The following ABTB2 variants were observed in gnomAD, a reference collection of about 807,000 sequenced individuals.
ABTB2 encodes ankyrin repeat and BTB/POZ domain-containing protein 2.
Under a neutral mutation model 104.1 loss-of-function variants are expected in ABTB2, and 56 were observed. That is an observed-to-expected ratio of 0.54 (90% CI 0.43 to 0.67). The LOEUF (loss-of-function observed/expected upper bound fraction) is 0.67, where lower values mean the gene tolerates loss of function less well. Among genes scored for constraint, ABTB2 ranks in the 30% least tolerant of loss-of-function variants. The probability of loss-of-function intolerance (pLI) is 0.00; values close to 1 mark genes in which losing one functional copy is unlikely to be tolerated. For synonymous variants in ABTB2, 606 were observed against 608.2 expected (o/e 1.00, Z 0.05); for missense variants, 1,279 against 1,407.7 (o/e 0.91, Z 1.46).
At chr11:34,243,173 T>C (rs1029851884) in intron 1 of ABTB2, among the ~76,000 whole-genome samples, 1 of 152,186 alleles carries the variant, frequency 6.6e-6, no homozygotes, top group South Asian at 2.1e-4. Flanking sequence ...GAGGGTTCTT[T>C]ATCTCTACAC....
chr11:34,303,928 C>T (rs1197558219), intron 1 of ABTB2, among the ~76,000 whole-genome samples: 1 of 152,152 alleles, frequency 6.6e-6, no homozygotes, highest in African/African-American at 2.4e-5. Context: ...CAGGTGTAAG[C>T]CACCACGCCT....
intron 1 of ABTB2, among the ~76,000 whole-genome samples, chr11:34,268,164 C>T (rs571036115): frequency 6.6e-6 from 1 of 152,310 alleles, no homozygotes; most frequent in East Asian, 1.9e-4. Context: ...AACTCTTGGG[C>T]TCAAAGTGAT....
intron 14 of ABTB2, among the ~76,000 whole-genome samples, chr11:34,157,104 C>T (rs891501711): frequency 6.6e-6 from 1 of 152,198 alleles, no homozygotes; most frequent in African/African-American, 2.4e-5. Flanking sequence ...GGAAAACTTG[C>T]AGGCTTTGTT....
intron 1 of ABTB2, among the ~76,000 whole-genome samples, chr11:34,321,948 A>G (rs1168068885): frequency 6.6e-6 from 1 of 152,212 alleles, no homozygotes; most frequent in Non-Finnish European, 1.5e-5. Flanking sequence ...GGGTCAGCAG[A>G]GAAAGCCCAA....
Position 34,188,471 on chromosome 11 carries a change from CTG to C in ABTB2, c.1244+8852_1244+8853del, listed in dbSNP as rs1377188475. ...TTCCTGGCAGTGGAAAGGAAGCTCC[CTG>C]TGTGCACCGTAGACTGTGAACAAGT... On this transcript the variant is annotated intron_variant, in intron 3 of 16. Transcript: ENST00000435224. Among the ~76,000 whole-genome samples the C allele has an allele frequency of 7.9e-5, 12 of 152,180 alleles. 1 individual carries two copies. The East Asian group carries it at 2.3e-3, about 29-fold the overall frequency.
intron 3 of ABTB2, among the ~76,000 whole-genome samples, chr11:34,174,625 G>C (rs1852937684): frequency 6.6e-6 from 1 of 152,224 alleles, no homozygotes; most frequent in Non-Finnish European, 1.5e-5. Flanking sequence ...TCTGTCCTCT[G>C]CCAGCTCTGG....
intron 2 of ABTB2, among the ~76,000 whole-genome samples, chr11:34,199,758 T>C (rs1454407825): frequency 3.3e-5 from 5 of 152,196 alleles, no homozygotes; most frequent in Non-Finnish European, 5.9e-5. Flanking sequence ...ATGGGAACAA[T>C]AGTATCTACC....
At chr11:34,166,798 G>A (rs1565129820) in intron 7 of ABTB2, among the ~76,000 whole-genome samples, 2 of 152,226 alleles carry the variant, frequency 1.3e-5, no homozygotes, top group Non-Finnish European at 2.9e-5. Context: ...GGCTCGACGG[G>A]TGAGCCATGC....
At chr11:34,275,464 C>T (rs928299648) in intron 1 of ABTB2, among the ~76,000 whole-genome samples, 23 of 152,136 alleles carry the variant, frequency 1.5e-4, no homozygotes, top group Non-Finnish European at 5.9e-5. Context: ...TCACATGCCT[C>T]CCCTGAATAC....
At chr11:34,295,529 G>A (rs1174778801) in intron 1 of ABTB2, among the ~76,000 whole-genome samples, 1 of 152,222 alleles carries the variant, frequency 6.6e-6, no homozygotes, top group Non-Finnish European at 1.5e-5. Flanking sequence ...TTTCAGAGAG[G>A]AGAGGTGTGG....
At chr11:34,315,493 A>T (rs935793887) in intron 1 of ABTB2, among the ~76,000 whole-genome samples, 11 of 152,192 alleles carry the variant, frequency 7.2e-5, no homozygotes, top group Non-Finnish European at 1.3e-4. Context: ...GCTCTGGGGA[A>T]TACAGGCCCC....
At chr11:34,308,658 TCAGGAGTTCAAGAC>T (rs909271986) in intron 1 of ABTB2, among the ~76,000 whole-genome samples, 2 of 151,568 alleles carry the variant, frequency 1.3e-5, no homozygotes, top group African/African-American at 2.4e-5. Flanking sequence ...TCACCTGAGG[TCAGGAGTTCAAGAC>T]CAGCCTGGCC....
At chr11:34,337,570 C>T (rs918079551) in intron 1 of ABTB2, among the ~76,000 whole-genome samples, 12 of 152,198 alleles carry the variant, frequency 7.9e-5, no homozygotes, top group East Asian at 5.8e-4. Flanking sequence ...TAATCTCAAA[C>T]GCTGGCTCTG....
At chr11:34,279,686 C>A (rs1419750108) in intron 1 of ABTB2, among the ~76,000 whole-genome samples, 1 of 151,780 alleles carries the variant, frequency 6.6e-6, no homozygotes, top group Non-Finnish European at 1.5e-5. Flanking sequence ...ACAAAAGGCC[C>A]GACACATAAA....
At chr11:34,277,269 A>G (rs1854392677) in intron 1 of ABTB2, among the ~76,000 whole-genome samples, 8 of 152,170 alleles carry the variant, frequency 5.3e-5, no homozygotes, top group Admixed American at 3.9e-4. Flanking sequence ...AGGGTCTCAT[A>G]AAGAACATCT....
chr11:34,156,698 A>G (rs1852632595), intron 14 of ABTB2, among the ~76,000 whole-genome samples: 1 of 151,900 alleles, frequency 6.6e-6, no homozygotes, highest in African/African-American at 2.4e-5. Flanking sequence ...CTAATTTTGT[A>G]TTTTTAGTAG....
intron 2 of ABTB2, among the ~76,000 whole-genome samples, chr11:34,197,801 G>T (rs1440701643): frequency 2.0e-5 from 3 of 152,068 alleles, no homozygotes; most frequent in Non-Finnish European, 4.4e-5. Context: ...GGGTAATTTG[G>T]TTTCTTTTTT....
At chr11:34,242,526 T>A (rs1337095891) in intron 1 of ABTB2, 1 of 152,364 alleles carries the variant, frequency 6.6e-6, no homozygotes. Context: ...GCTGAGTGGC[T>A]GCTGGACCAT....
intron 1 of ABTB2, chr11:34,335,829 A>T: frequency 7.6e-7 from 1 of 1,307,746 alleles, no homozygotes; most frequent in Non-Finnish European, 1.1e-6. Flanking sequence ...CCATAGTTTC[A>T]TCAGGCCACA....
Sources: gnomAD v4.1 joint callset for allele counts (sites outside exome capture counted in the v4.1 genomes callset) on GRCh38, gnomAD v4.1.1 for gene constraint, MANE v1.5 for transcripts, NCBI Gene and HGNC (gene_info 2026-07-23, HGNC 2026-07-21) for gene names.